FBXL14: variants seen among roughly 807,000 people sequenced by gnomAD.
FBXL14 encodes the protein F-box/LRR-repeat protein 14.
In FBXL14, 11 loss-of-function variants were observed where a neutral mutation model predicts 24.5. That is an observed-to-expected ratio of 0.45 (90% CI 0.28 to 0.74). The LOEUF (loss-of-function observed/expected upper bound fraction) is 0.74. Ranked by LOEUF, FBXL14 falls within the 30% of genes least tolerant of loss-of-function variation. The probability of loss-of-function intolerance (pLI) is 0.12; values close to 1 mark genes in which losing one functional copy is unlikely to be tolerated. For synonymous variants in FBXL14, 294 were observed against 240.4 expected (o/e 1.22, Z -2.06); for missense variants, 384 against 545.6 (o/e 0.70, Z 2.95).
At chr12:1,585,758 T>C (rs1292877147) in intron 1 of FBXL14, among the ~76,000 whole-genome samples, 2 of 152,202 alleles carry the variant, frequency 1.3e-5, no homozygotes, top group African/African-American at 2.4e-5. Context: ...TTTTACTCTT[T>C]CTGGACAAGT....
chr12:1,589,571 G>A (rs74058773), intron 1 of FBXL14, among the ~76,000 whole-genome samples: 1 of 152,110 alleles, frequency 6.6e-6, no homozygotes, highest in Non-Finnish European at 1.5e-5. Flanking sequence ...CTTACGGCAG[G>A]AATTATGACT....
At chr12:1,586,357 T>C (rs1038535251) in intron 1 of FBXL14, among the ~76,000 whole-genome samples, 1 of 151,864 alleles carries the variant, frequency 6.6e-6, no homozygotes, top group African/African-American at 2.4e-5. Context: ...AGACTCTGTC[T>C]CAAAAAAAAG....
chr12:1,581,254 G>A (rs1358462128), intron 1 of FBXL14, among the ~76,000 whole-genome samples: 1 of 152,128 alleles, frequency 6.6e-6, no homozygotes, highest in Non-Finnish European at 1.5e-5. Flanking sequence ...GAGTACAGAG[G>A]AAGGTTAGGA....
chr12:1,594,156 A>AGCCGCCGCC lies in FBXL14; in HGVS notation c.-99_-91dup, dbSNP rs544992054. Reference sequence around the variant, plus strand: ...GCAGGCGACGAGAGCGCTTCTCCCCAGCCGCCGCCGCCGCCGCCGCCGCCG... The same window carrying AGCCGCCGCC: ...GCAGGCGACGAGAGCGCTTCTCCCCAGCCGCCGCCGCCGCCGCCGCCGCCGCCGCCGCCG... On this transcript the variant is annotated 5_prime_UTR_variant, in exon 1 of 2. Transcript: ENST00000339235. 1.5e-3 allele frequency: 861 copies of AGCCGCCGCC among 555,702 alleles called. 4 individuals are homozygous for AGCCGCCGCC. The highest frequency in any genetic ancestry group is 9.1e-3 in the African/African-American group (454 of 49,948). The allele number at this position is 555,702 out of a possible 1,614,324, so 34.4% of individuals were successfully genotyped here. A position where few individuals can be genotyped will look rare whatever the true frequency, so the allele number is the denominator to read the frequency against.
intron 1 of FBXL14, among the ~76,000 whole-genome samples, chr12:1,575,379 G>A (rs973420406): frequency 2.0e-5 from 3 of 151,962 alleles, no homozygotes; most frequent in Admixed American, 2.0e-4. Flanking sequence ...CTTATCTATC[G>A]ACCTAACTGT....
rs771970908 is a variant in FBXL14, at chr12:1,593,045, A to G, written c.1022T>C (p.Val341Ala). ...CTCCAGGCCCTTGTCCGTGATGCGC[A>G]CACACTGTCCAATGTTGAGCGTGCG... is the stretch of plus-strand genomic sequence containing the variant. ...GLRTLNIGQCVRITDKGLELI... is the reference protein window; with the variant it reads ...GLRTLNIGQCARITDKGLELI... Residue 341 changes from valine (V) to alanine (A), a missense_variant, in exon 1 of 2, where the codon GTG (valine) becomes GCG (alanine). Coordinates refer to ENST00000339235, the MANE Select transcript of FBXL14 (RefSeq NM_152441.3). This position sits in a 1 kb window ranked among gnomAD's most constrained non-coding sequence, Gnocchi z 7.4. The G allele has an allele frequency of 1.6e-5, 25 of 1,612,362 alleles. No homozygotes were observed. The highest frequency in any genetic ancestry group is 1.1e-4 in the South Asian group (10 of 91,088).
At chr12:1,584,641 C>T (rs531015703) in intron 1 of FBXL14, among the ~76,000 whole-genome samples, 1 of 152,248 alleles carries the variant, frequency 6.6e-6, no homozygotes, top group African/African-American at 2.4e-5. Flanking sequence ...CTGCTTCGTA[C>T]AACCGTCAGC....
chr12:1,577,609 C>T lies in FBXL14; in HGVS notation c.1195-10799G>A, dbSNP rs2094458441. 2.0e-5 allele frequency among the ~76,000 whole-genome samples: 3 copies of T among 152,240 alleles called. No individual in the cohort carries two copies. The South Asian group carries it at 6.2e-4, about 31-fold the overall frequency. ...GGAAACAGAGTGCAGAGTTAGAATG[C>T]TTCTGGAGCATTCATGGCTGCCGGG... On this transcript the variant is annotated intron_variant, in intron 1 of 1. Transcript: ENST00000339235.
Position 1,594,213 on chromosome 12 carries a change from T to G in FBXL14, c.-147A>C. ...GCCCAACGGCCGGCCCCTCCCCGCC[T>G]TCCGGCTCCGGCCGCCGCCGCCGCT... is the stretch of plus-strand genomic sequence containing the variant. On this transcript the variant is annotated 5_prime_UTR_variant, in exon 1 of 2. Transcript: ENST00000339235. The G allele has an allele frequency of 5.2e-6, 2 of 388,126 alleles. No individual in the cohort carries two copies. The highest frequency in any genetic ancestry group is 3.7e-6 in the Non-Finnish European group (1 of 273,298). 24.0% of individuals were successfully genotyped at this position (388,126 alleles called of 1,614,324 possible). A position where few individuals can be genotyped will look rare whatever the true frequency, so the allele number is the denominator to read the frequency against.
At chr12:1,586,182 G>GTTTTTTT (rs79133793) in intron 1 of FBXL14, among the ~76,000 whole-genome samples, 1,794 of 137,702 alleles carry the variant, frequency 0.013, 36 homozygotes, top group African/African-American at 0.046. Context: ...AGCATTTGGG[G>GTTTTTTT]TTTTTTTTTT....
Position 1,594,048 on chromosome 12 carries a change from A to C in FBXL14, c.19T>G (p.Cys7Gly). The change falls in exon 1 of 2, where the codon TGC becomes GGC. Residue 7 changes from cysteine to glycine, a missense_variant. Coordinates refer to ENST00000339235, the MANE Select transcript of FBXL14 (RefSeq NM_152441.3). METHIS[C>G]LFPELLAMIF... ...ATGGCCAGCAGCTCCGGGAACAGGCATGAGATGTGGGTCTCCATCTTCCTC... is the reference window on the plus strand; with the variant it reads ...ATGGCCAGCAGCTCCGGGAACAGGCCTGAGATGTGGGTCTCCATCTTCCTC... 6.5e-7 allele frequency: 1 copy of C among 1,533,150 alleles called. No homozygotes were observed. The highest frequency in any genetic ancestry group is 8.7e-7 in the Non-Finnish European group (1 of 1,147,936). 95.0% of individuals were successfully genotyped at this position (1,533,150 alleles called of 1,614,324 possible).
chr12:1,572,846 C>CG (rs2094447690), intron 1 of FBXL14, among the ~76,000 whole-genome samples: 3 of 82,412 alleles, frequency 3.6e-5, no homozygotes, highest in Admixed American at 2.0e-4. Flanking sequence ...AGGGCAGTGG[C>CG]GGTGGAGGGG....
At chr12:1,584,189 A>T (rs371103869) in intron 1 of FBXL14, among the ~76,000 whole-genome samples, 81 of 152,242 alleles carry the variant, frequency 5.3e-4, no homozygotes, top group African/African-American at 1.9e-3. Flanking sequence ...TACAAAAAAA[A>T]AATAATAATA....
At position 1,579,024 on chromosome 12, in the gene FBXL14, G is replaced by A. The variant is rs750668416; in HGVS notation, c.1195-12214C>T. 2.0e-5 allele frequency among the ~76,000 whole-genome samples: 3 copies of A among 152,008 alleles called. No individual in the cohort carries two copies. On this transcript the variant is annotated intron_variant, in intron 1 of 1. Transcript: ENST00000339235. The surrounding 1 kb of genome is among the most constrained non-coding windows in gnomAD (Gnocchi z 4.3). ...GGACAAGGAGCAGGTGTGCCTCAGC[G>A]AGCCTGTCATTATCTGGGGAGGGGG... is the stretch of plus-strand genomic sequence containing the variant.
At chr12:1,594,799 C>A (rs1427646071), upstream of FBXL14, among the ~76,000 whole-genome samples, 8 of 151,056 alleles carry the variant, frequency 5.3e-5, no homozygotes, top group Non-Finnish European at 5.9e-5. Context: ...AGCGCCCGGG[C>A]CGGCCCCGGC....
intron 1 of FBXL14, among the ~76,000 whole-genome samples, chr12:1,582,173 AGAAAG>A (rs2094467647): frequency 6.6e-6 from 1 of 151,944 alleles, no homozygotes; most frequent in East Asian, 1.9e-4. Flanking sequence ...AAGAAGGAAA[AGAAAG>A]AAAAGAAAGG....
chr12:1,581,146 A>G (rs2094465503), intron 1 of FBXL14, among the ~76,000 whole-genome samples: 1 of 150,468 alleles, frequency 6.6e-6, no homozygotes, highest in Admixed American at 6.6e-5. Flanking sequence ...AGACGGCGAC[A>G]GGAAATTCAG....
chr12:1,571,987 G>A (rs1446134222), intron 1 of FBXL14, among the ~76,000 whole-genome samples: 2 of 152,236 alleles, frequency 1.3e-5, no homozygotes, highest in African/African-American at 4.8e-5. Flanking sequence ...TCTATGAAGT[G>A]TTAAGTTCCT....
At chr12:1,586,722 A>G (rs1449259949) in intron 1 of FBXL14, among the ~76,000 whole-genome samples, 1 of 152,214 alleles carries the variant, frequency 6.6e-6, no homozygotes, top group African/African-American at 2.4e-5. Flanking sequence ...CAGATTTGGG[A>G]AAACAAAAAT....
Sources: gnomAD v4.1 joint callset for allele counts (sites outside exome capture counted in the v4.1 genomes callset) on GRCh38, gnomAD v4.1.1 for gene constraint, Gnocchi (gnomAD v3.1) non-coding constraint, MANE v1.5 for transcripts, NCBI Gene and HGNC (gene_info 2026-07-23, HGNC 2026-07-21) for gene names.